TSNAX: variants seen among roughly 807,000 people sequenced by gnomAD.
TSNAX encodes the protein translin-associated protein X.
Under a neutral mutation model 33.0 loss-of-function variants are expected in TSNAX, and 12 were observed. That is an observed-to-expected ratio of 0.36 (90% confidence interval 0.23 to 0.59). The LOEUF is 0.59. Among genes scored for constraint, TSNAX ranks in the 20% least tolerant of loss-of-function variants. The pLI is 0.74. For missense variants in TSNAX, 267 were observed against 341.3 expected, an observed-to-expected ratio of 0.78 and a Z score of 1.72; for synonymous variants, 110 against 117.2, an observed-to-expected ratio of 0.94 and a Z score of 0.40.
intron 2 of TSNAX, among the ~76,000 whole-genome samples, chr1:231,533,014 A>G (rs982964627): frequency 1.3e-5 from 2 of 151,918 alleles, no homozygotes; most frequent in East Asian, 1.9e-4. Flanking sequence ...AAAGTTTGAC[A>G]TAAAAGCTTA....
chr1:231,563,042 A>G (rs58905195), intron 5 of TSNAX, among the ~76,000 whole-genome samples: 2 of 152,328 alleles, frequency 1.3e-5, no homozygotes, highest in East Asian at 3.9e-4. Flanking sequence ...CTAGGATTCA[A>G]GTATTAGATA....
chr1:231,541,649 T>C (rs1659582615), intron 3 of TSNAX, among the ~76,000 whole-genome samples: 1 of 152,236 alleles, frequency 6.6e-6, no homozygotes, highest in Non-Finnish European at 1.5e-5. Flanking sequence ...TGTGTATAGA[T>C]TCAGATTTTT....
intron 2 of TSNAX, among the ~76,000 whole-genome samples, chr1:231,532,305 C>G (rs187270520): frequency 1.0e-3 from 154 of 151,786 alleles, no homozygotes; most frequent in African/African-American, 3.6e-3. Flanking sequence ...GATCCTCCCA[C>G]CTCAACCTCC....
intron 4 of TSNAX, among the ~76,000 whole-genome samples, chr1:231,553,016 T>C (rs1196442106): frequency 6.6e-6 from 1 of 152,244 alleles, no homozygotes; most frequent in African/African-American, 2.4e-5. Flanking sequence ...GGGTTGTTTA[T>C]ACTTTTTGGC....
At chr1:231,552,635 A>G (rs1344914638) in intron 4 of TSNAX, among the ~76,000 whole-genome samples, 2 of 152,170 alleles carry the variant, frequency 1.3e-5, no homozygotes, top group Non-Finnish European at 2.9e-5. Flanking sequence ...TGAATAATTC[A>G]TTTGTTTTTA....
Position 231,558,524 on chromosome 1 carries a change from A to T in TSNAX, c.368-2604A>T, listed in dbSNP as rs149396026. Among the ~76,000 whole-genome samples, 287 of 152,118 alleles carry T rather than the reference A, an allele frequency of 1.9e-3. 1 individual carries two copies. The highest frequency in any genetic ancestry group is 3.9e-3 in the African/African-American group (163 of 41,496). ...ATTACTGGTCTTTTAACTTTAAAAA[A>T]TTTTTTTTGCTGTAGTGACAAACAT... On this transcript the variant is annotated intron_variant, in intron 4 of 5. Transcript: ENST00000366639.
At chr1:231,529,453 T>G (rs1198045080) in intron 2 of TSNAX, 94 bp downstream of exon 2, 15 of 1,299,788 alleles carry the variant, frequency 1.2e-5, no homozygotes, top group Admixed American at 8.1e-5. Context: ...GAATTTAATG[T>G]GAAACTTTAG....
chr1:231,537,298 G>A lies in TSNAX; in HGVS notation c.207G>A (p.Arg69=). The A allele has an allele frequency of 1.2e-6, 2 of 1,613,166 alleles. No homozygotes were observed. The highest frequency in any genetic ancestry group is 1.7e-6 in the Non-Finnish European group (2 of 1,179,538). Residue 69 remains arginine, a synonymous_variant, in exon 3 of 6, where the codon AGG becomes AGA. Coordinates refer to ENST00000366639, the MANE Select transcript of TSNAX (RefSeq NM_005999.3). ...LSRDITVESK[R]TIFLLHRITS... ...GGGATATAACTGTTGAAAGTAAAAG[G>A]ACAATTTTTCTCCTCCATAGGATTA...
intron 4 of TSNAX, among the ~76,000 whole-genome samples, chr1:231,543,086 G>C (rs949133477): frequency 6.6e-6 from 1 of 151,818 alleles, no homozygotes; most frequent in Admixed American, 6.6e-5. Flanking sequence ...GCTGAGGCAG[G>C]AGAATCACTT....
intron 2 of TSNAX, 22 bp from the exon 3 acceptor site, chr1:231,537,191 T>C (rs927695706): frequency 6.5e-7 from 1 of 1,538,700 alleles, no homozygotes; most frequent in Admixed American, 1.7e-5. Context: ...TATACATGCT[T>C]ATGATCATAA....
chr1:231,562,298 G>C (rs1287871015), intron 5 of TSNAX, among the ~76,000 whole-genome samples: 1 of 151,120 alleles, frequency 6.6e-6, no homozygotes, highest in African/African-American at 2.4e-5. Flanking sequence ...GTAGGCAGGA[G>C]ATGGAAGACA....
At chr1:231,531,780 T>C (rs528692552) in intron 2 of TSNAX, among the ~76,000 whole-genome samples, 1 of 152,268 alleles carries the variant, frequency 6.6e-6, no homozygotes, top group East Asian at 1.9e-4. Context: ...GTGAAAAGAC[T>C]TGGGAAATAA....
intron 5 of TSNAX, among the ~76,000 whole-genome samples, chr1:231,564,207 A>T (rs1327756349): frequency 6.6e-6 from 1 of 152,214 alleles, no homozygotes; most frequent in Non-Finnish European, 1.5e-5. Flanking sequence ...CAATAAAGTT[A>T]TTAAGCCTTG....
chr1:231,561,320 A>G (rs959667976), intron 5 of TSNAX, 65 bp downstream of exon 5: 5 of 1,259,016 alleles, frequency 4.0e-6, no homozygotes, highest in Non-Finnish European at 5.5e-6. Flanking sequence ...CGATTCTAGT[A>G]GATTTACTGG....
intron 4 of TSNAX, among the ~76,000 whole-genome samples, chr1:231,549,008 CCAGATGGGCAGTTA>C (rs1660121171): frequency 6.6e-6 from 1 of 152,148 alleles, no homozygotes; most frequent in Admixed American, 6.5e-5. Context: ...CTCCCTCTTC[CCAGATGGGCAGTTA>C]CAGATGGGTA....
At position 231,528,774 on chromosome 1, in the gene TSNAX, T is replaced by G. The variant is rs370832150; in HGVS notation, c.-37T>G. 3.7e-6 allele frequency: 6 copies of G among 1,613,928 alleles called. No homozygotes were observed. The African/African-American group carries it at 8.0e-5, about 22-fold the overall frequency. ...CGCGCACTCCTCTTGCTCCAGGTCCTTCAGTCTCCGCTCGTCTCACCGTAG... is the reference window on the plus strand; with the variant it reads ...CGCGCACTCCTCTTGCTCCAGGTCCGTCAGTCTCCGCTCGTCTCACCGTAG... On this transcript the variant is annotated 5_prime_UTR_variant, in exon 1 of 6. Transcript: ENST00000366639.
intron 3 of TSNAX, among the ~76,000 whole-genome samples, chr1:231,537,927 A>G (rs1401514812): frequency 6.6e-6 from 1 of 152,156 alleles, no homozygotes; most frequent in Non-Finnish European, 1.5e-5. Flanking sequence ...ATATGCGTGA[A>G]AATTTTAATA....
chr1:231,535,400 T>C (rs1659097798), intron 2 of TSNAX: 1 of 152,114 alleles, frequency 6.6e-6, no homozygotes, highest in African/African-American at 2.4e-5. Flanking sequence ...AAAGTAATTA[T>C]TTTGTTAACT....
intron 4 of TSNAX, among the ~76,000 whole-genome samples, chr1:231,558,897 T>A (rs1326411125): frequency 1.3e-5 from 2 of 152,192 alleles, no homozygotes; most frequent in Non-Finnish European, 2.9e-5. Context: ...TATTTGGGCA[T>A]CATTTGCAGC....
Sources: gnomAD v4.1 joint callset for allele counts (sites outside exome capture counted in the v4.1 genomes callset) on GRCh38, gnomAD v4.1.1 for gene constraint, MANE v1.5 for transcripts, NCBI Gene and HGNC (gene_info 2026-07-23, HGNC 2026-07-21) for gene names.